The following DCDC1 variants were observed in gnomAD, a reference collection of about 807,000 sequenced individuals.
DCDC1 encodes the protein doublecortin domain-containing protein 1.
A neutral mutation model predicts 178.3 loss-of-function variants in DCDC1; 200 were observed. The ratio of observed to expected loss-of-function variants is 1.12; its 90% CI spans 1.00 to 1.26. DCDC1 has a LOEUF of 1.26. Among genes scored for constraint, DCDC1 ranks in the 50% most tolerant of loss-of-function variants. The probability of loss-of-function intolerance (pLI) is 0.00; values close to 1 mark genes in which losing one functional copy is unlikely to be tolerated. For missense variants in DCDC1, 1,983 were observed against 1,749.2 expected (o/e 1.13, Z -2.38); for synonymous variants, 690 against 604.8 (o/e 1.14, Z -2.07).
At position 31,256,579 on chromosome 11, in the gene DCDC1, G is replaced by C. The variant is rs149078525; in HGVS notation, c.1054+8928C>G. ...CTTTCACTGAGTGGCGTCATGTTTT[G>C]ATGGTGCTTTTACATGCAAGGGCTA... On this transcript the variant is annotated intron_variant, in intron 8 of 38. Coordinates refer to ENST00000684477, the MANE Select transcript of DCDC1 (RefSeq NM_001387274.1). 4.5e-3 allele frequency among the ~76,000 whole-genome samples: 685 copies of C among 152,248 alleles called. 5 individuals carry two copies. The highest frequency in any genetic ancestry group is 0.016 in the African/African-American group (646 of 41,548).
At chr11:30,898,430 A>T (rs1222069984) in intron 34 of DCDC1, among the ~76,000 whole-genome samples, 1 of 152,154 alleles carries the variant, frequency 6.6e-6, no homozygotes, top group Non-Finnish European at 1.5e-5. Flanking sequence ...ATCATTTGAG[A>T]TCAACTTAAC....
At chr11:31,280,225 C>T (rs1226059294) in intron 7 of DCDC1, among the ~76,000 whole-genome samples, 2 of 152,104 alleles carry the variant, frequency 1.3e-5, no homozygotes, top group East Asian at 3.9e-4. Context: ...ATCTTCAACC[C>T]TTGCCTTTAA....
intron 20 of DCDC1, 23 bp downstream of exon 20, chr11:31,064,446 G>A (rs1256222865): frequency 2.7e-6 from 2 of 743,754 alleles, no homozygotes; most frequent in Admixed American, 3.5e-5. Context: ...GAGCAATAAA[G>A]CTCAGTTCTG....
intron 9 of DCDC1, among the ~76,000 whole-genome samples, chr11:31,239,163 G>T (rs556954951): frequency 1.8e-4 from 27 of 152,080 alleles, no homozygotes; most frequent in African/African-American, 5.3e-4. Flanking sequence ...ACTTTAATTT[G>T]TTAAGGAAAT....
chr11:31,000,479 T>C (rs146834356), intron 20 of DCDC1, among the ~76,000 whole-genome samples: 170 of 152,260 alleles, frequency 1.1e-3, no homozygotes, highest in African/African-American at 3.8e-3. Context: ...AGCCCTTTTC[T>C]GTAAAGTTAA....
Position 30,892,963 on chromosome 11 carries a change from T to C in DCDC1, c.4937A>G (p.Lys1646Arg), listed in dbSNP as rs748079326. 1.2e-6 allele frequency: 2 copies of C among 1,613,930 alleles called. No individual in the cohort carries two copies. Among genetic ancestry groups the C allele is most frequent in the Non-Finnish European group, 1.7e-6 (2 of 1,179,834 alleles). Residue 1646 changes from lysine (K) to arginine (R), a missense_variant, in exon 36 of 39, where the codon AAA becomes AGA. Physicochemically the swap from Lys to Arg is conservative, Grantham distance 26. Coordinates refer to ENST00000684477, the MANE Select transcript of DCDC1 (RefSeq NM_001387274.1). ...TTTGGTTGCAATTGGAAAATTTATT[T>C]TGGATTCCATTTCTTGGATTTCAGA... The part of the protein sequence containing the change: ...HLSEIQEMES[K>R]INFPIATKRI...
At chr11:31,128,503 A>G (rs1028226660) in intron 10 of DCDC1, among the ~76,000 whole-genome samples, 2 of 152,154 alleles carry the variant, frequency 1.3e-5, no homozygotes, top group African/African-American at 2.4e-5. Flanking sequence ...GGATTCTTAC[A>G]TAAACACTGG....
intron 20 of DCDC1, among the ~76,000 whole-genome samples, chr11:31,037,725 A>T (rs1320921787): frequency 6.6e-6 from 1 of 151,958 alleles, no homozygotes; most frequent in Admixed American, 6.6e-5. Flanking sequence ...GGCCTCCCAA[A>T]GTGCTGGGAT....
chr11:30,909,966 G>A (rs531540485), intron 28 of DCDC1, among the ~76,000 whole-genome samples: 8 of 152,110 alleles, frequency 5.3e-5, no homozygotes, highest in African/African-American at 1.7e-4. Context: ...TTTACCAAGC[G>A]AGAGCTTAAT....
intron 9 of DCDC1, among the ~76,000 whole-genome samples, chr11:31,165,709 A>G (rs1966724696): frequency 6.6e-6 from 1 of 151,488 alleles, no homozygotes; most frequent in South Asian, 2.1e-4. Context: ...ATTTGTAGAA[A>G]CTCTTTATAT....
intron 20 of DCDC1, among the ~76,000 whole-genome samples, chr11:31,048,632 T>C (rs1955022715): frequency 6.6e-6 from 1 of 152,064 alleles, no homozygotes; most frequent in Non-Finnish European, 1.5e-5. Flanking sequence ...GGTGGGTAGA[T>C]CACGAGGTCA....
chr11:30,906,383 G>GA, intron 30 of DCDC1, 157 bp downstream of exon 30: 1 of 743,500 alleles, frequency 1.3e-6, no homozygotes, highest in Non-Finnish European at 2.1e-6. Context: ...TTACAATGGG[G>GA]AAAAGGAAAT....
At chr11:31,184,310 C>T (rs1166986638) in intron 9 of DCDC1, among the ~76,000 whole-genome samples, 7 of 152,072 alleles carry the variant, frequency 4.6e-5, no homozygotes, top group African/African-American at 7.2e-5. Flanking sequence ...AAGACTTAAA[C>T]GTAAGACCTA....
chr11:31,238,234 C>T (rs1322287659), intron 9 of DCDC1, among the ~76,000 whole-genome samples: 1 of 152,038 alleles, frequency 6.6e-6, no homozygotes, highest in Admixed American at 6.6e-5. Context: ...TGCCCATCAG[C>T]CATTCTGAGT....
rs143283709 is a variant in DCDC1 at position 30,890,318 on chromosome 11, G to C, written c.5082+2500C>G. On this transcript the variant is annotated intron_variant, in intron 36 of 38. Coordinates refer to ENST00000684477, the MANE Select transcript of DCDC1 (RefSeq NM_001387274.1). ...ATCTCTTCCAATTTCTCTGTCCATGGGGCACCTATTTAATACGCTTTATGA... is the reference window on the plus strand; with the variant it reads ...ATCTCTTCCAATTTCTCTGTCCATGCGGCACCTATTTAATACGCTTTATGA... 1.6e-3 allele frequency among the ~76,000 whole-genome samples: 239 copies of C among 152,190 alleles called. 2 individuals carry two copies. The highest frequency in any genetic ancestry group is 6.8e-3 in the Middle Eastern group (2 of 294).
chr11:31,125,494 C>A (rs7128957), intron 11 of DCDC1, among the ~76,000 whole-genome samples: 2,930 of 152,144 alleles, frequency 0.019, 85 homozygotes, highest in African/African-American at 0.066. Flanking sequence ...ATTGCAACAC[C>A]ATTTACAATA....
At chr11:31,179,530 G>A (rs1449168425) in intron 9 of DCDC1, among the ~76,000 whole-genome samples, 1 of 152,148 alleles carries the variant, frequency 6.6e-6, no homozygotes, top group Non-Finnish European at 1.5e-5. Context: ...GTGACAATGT[G>A]AATGAATCTA....
In DCDC1 at chr11:31,273,944, C is replaced by A. The variant is rs149928156; in HGVS notation, c.961-8344G>T. On this transcript the variant is annotated intron_variant, in intron 7 of 38. Coordinates refer to ENST00000684477, the MANE Select transcript of DCDC1 (RefSeq NM_001387274.1). ...ACTCCTCCTTATAAAACCATCAGAT[C>A]GCATGAGACTAACTATCATGAGAAC... 5.5e-3 allele frequency among the ~76,000 whole-genome samples: 834 copies of A among 152,104 alleles called. 3 individuals are homozygous for A. Among genetic ancestry groups the A allele is most frequent in the Admixed American group, 8.7e-3 (133 of 15,276 alleles).
At chr11:31,368,694 C>T (rs1952102390) in intron 1 of DCDC1, among the ~76,000 whole-genome samples, 1 of 152,090 alleles carries the variant, frequency 6.6e-6, no homozygotes, top group South Asian at 2.1e-4. Context: ...TTAAGTTTAT[C>T]TTGACTGCTT....
Sources: allele counts gnomAD v4.1 joint callset (sites outside exome capture counted in the v4.1 genomes callset), GRCh38; gene constraint gnomAD v4.1.1; transcripts MANE v1.5; gene names NCBI Gene and HGNC (gene_info 2026-07-23, HGNC 2026-07-21).